TNFRSF8: variants seen among roughly 807,000 people sequenced by gnomAD.
TNFRSF8 encodes the protein TNF receptor superfamily member 8.
TNFRSF8 carries 26 observed loss-of-function variants against 70.8 expected under a neutral mutation model. The observed-to-expected ratio is 0.37, with a 90% confidence interval of 0.27 to 0.51. The LOEUF (loss-of-function observed/expected upper bound fraction) is 0.51, where lower values mean the gene tolerates loss of function less well. TNFRSF8 is among the 20% of genes least tolerant of loss of function. TNFRSF8 has a pLI of 0.94. For missense variants in TNFRSF8, 720 were observed against 807.9 expected (o/e 0.89, Z 1.32); for synonymous variants, 356 against 339.2 (o/e 1.05, Z -0.54).
rs536434144 is a variant in TNFRSF8 at position 12,108,530 on chromosome 1, A to G, written c.422-1036A>G. ...TGGTGAAGAGTGTATGATTATAGTC[A>G]TTTGACTGGGCTGGGCACGGCAGCT... On this transcript the variant is annotated intron_variant, in intron 4 of 14. Transcript: ENST00000263932. This position sits in a 1 kb window ranked among gnomAD's most constrained non-coding sequence, Gnocchi z 4.0. Among the ~76,000 whole-genome samples, 1 of 152,088 alleles carries G rather than the reference A, an allele frequency of 6.6e-6. No individual in the cohort carries two copies. Among genetic ancestry groups the G allele is most frequent in the South Asian group, 2.1e-4 (1 of 4,796 alleles).
At chr1:12,102,715 A>G (rs1641446284) in intron 3 of TNFRSF8, among the ~76,000 whole-genome samples, 3 of 151,992 alleles carry the variant, frequency 2.0e-5, no homozygotes, top group Admixed American at 6.5e-5. Context: ...TAGTAGAGAC[A>G]GGGTTTCACT....
rs1333181450 is a variant in TNFRSF8 at position 12,108,836 on chromosome 1, TA to T, written c.422-726del. On this transcript the variant is annotated intron_variant, in intron 4 of 14. Coordinates refer to ENST00000263932, the MANE Select transcript of TNFRSF8 (RefSeq NM_001243.5). The surrounding 1 kb of genome is among the most constrained non-coding windows in gnomAD (Gnocchi z 4.0). Reference sequence around the variant, plus strand: ...TCAAATAAATAAATAAACAAGTAAATAAAATGGACTTTCCTGGCACAGTTAG... The same window carrying T: ...TCAAATAAATAAATAAACAAGTAAATAAATGGACTTTCCTGGCACAGTTAG... Among the ~76,000 whole-genome samples the T allele has an allele frequency of 6.6e-6, 1 of 151,800 alleles. No individual in the cohort carries two copies. Among genetic ancestry groups the T allele is most frequent in the African/African-American group, 2.4e-5 (1 of 41,310 alleles).
At chr1:12,114,694 CTTTTTT>C (rs542462017) in intron 7 of TNFRSF8, among the ~76,000 whole-genome samples, 54 of 77,044 alleles carry the variant, frequency 7.0e-4, no homozygotes, top group Admixed American at 1.2e-3. Context: ...GAAAAAAAAT[CTTTTTT>C]TTTTTTTTTT....
rs146205889 is a variant in TNFRSF8, at chr1:12,106,040, G to A, written c.421+1509G>A. Among the ~76,000 whole-genome samples the A allele has an allele frequency of 5.4e-3, 824 of 152,058 alleles. 12 individuals are homozygous for A. The highest frequency in any genetic ancestry group is 0.019 in the African/African-American group (796 of 41,462). Reference sequence around the variant, plus strand: ...TGCCTTCTTCTCTTCATGTTTCAGAGCCTTCTTACATTTATTTTGTACATA... The same window carrying A: ...TGCCTTCTTCTCTTCATGTTTCAGAACCTTCTTACATTTATTTTGTACATA... On this transcript the variant is annotated intron_variant, in intron 4 of 14. Coordinates refer to ENST00000263932, the MANE Select transcript of TNFRSF8 (RefSeq NM_001243.5).
intron 1 of TNFRSF8, among the ~76,000 whole-genome samples, chr1:12,077,628 G>A (rs1569988645): frequency 6.6e-6 from 1 of 152,172 alleles, no homozygotes; most frequent in African/African-American, 2.4e-5. Context: ...GACCTGGATG[G>A]GGGTGATCAG....
At chr1:12,114,607 T>G (rs1458068930) in intron 7 of TNFRSF8, among the ~76,000 whole-genome samples, 1 of 151,766 alleles carries the variant, frequency 6.6e-6, no homozygotes, top group Non-Finnish European at 1.5e-5. Flanking sequence ...TTGCAAAATA[T>G]TCCCGAATAC....
chr1:12,063,640 G>T lies in TNFRSF8; in HGVS notation c.42G>T (p.Gly14=). The T allele has an allele frequency of 7.8e-7, 1 of 1,288,004 alleles. No homozygotes were observed. Among genetic ancestry groups the T allele is most frequent in the Non-Finnish European group, 9.9e-7 (1 of 1,008,360 alleles). The allele number at this position is 1,288,004 out of a possible 1,614,324, so 79.8% of individuals were successfully genotyped here. A position where few individuals can be genotyped will look rare whatever the true frequency, so the allele number is the denominator to read the frequency against. Reference sequence around the variant, plus strand: ...CCGCGCTGGGACTGCTGTTCCTGGGGGCGCTACGAGCCTTCCCACAGGTAA... The same window carrying T: ...CCGCGCTGGGACTGCTGTTCCTGGGTGCGCTACGAGCCTTCCCACAGGTAA... ...LLAALGLLFL[G]ALRAFPQDRP... Residue 14 remains glycine, a synonymous_variant, in exon 1 of 15, where the codon GGG becomes GGT. Coordinates refer to ENST00000263932, the MANE Select transcript of TNFRSF8 (RefSeq NM_001243.5). This position sits in a 1 kb window ranked among gnomAD's most constrained non-coding sequence, Gnocchi z 7.2.
At chr1:12,121,097 A>G (rs536085250) in intron 8 of TNFRSF8, among the ~76,000 whole-genome samples, 8 of 152,322 alleles carry the variant, frequency 5.3e-5, no homozygotes, top group African/African-American at 1.9e-4. Context: ...CAGTCCACTC[A>G]AAGTAAGTGT....
At chr1:12,117,596 A>C (rs1641756673) in intron 8 of TNFRSF8, among the ~76,000 whole-genome samples, 1 of 152,116 alleles carries the variant, frequency 6.6e-6, no homozygotes, top group Non-Finnish European at 1.5e-5. Context: ...CCAACTTCCT[A>C]CTCAGGGAAG....
intron 2 of TNFRSF8, among the ~76,000 whole-genome samples, chr1:12,086,440 C>T (rs34225843): frequency 0.01 from 1,547 of 151,938 alleles, 15 homozygotes; most frequent in Non-Finnish European, 0.016. Context: ...CTTCACTGGT[C>T]GGCCATCCAC....
intron 1 of TNFRSF8, among the ~76,000 whole-genome samples, chr1:12,076,615 T>A (rs1250156279): frequency 1.3e-5 from 2 of 152,028 alleles, no homozygotes; most frequent in Non-Finnish European, 2.9e-5. Flanking sequence ...CATGGGGCCC[T>A]GCACACTCTT....
Position 12,138,466 on chromosome 1 carries a change from G to A in TNFRSF8, c.1543+30G>A, listed in dbSNP as rs760017940. The A allele has an allele frequency of 6.3e-7, 1 of 1,590,520 alleles. No homozygotes were observed. Among genetic ancestry groups the A allele is most frequent in the African/African-American group, 1.3e-5 (1 of 74,576 alleles). On this transcript the variant is annotated intron_variant, in intron 14 of 14. Coordinates refer to ENST00000263932, the MANE Select transcript of TNFRSF8 (RefSeq NM_001243.5). This position sits in a 1 kb window ranked among gnomAD's most constrained non-coding sequence, Gnocchi z 5.7. Reference sequence around the variant, plus strand: ...GTCAGCCTGTTTTGGGAGGTCCCCTGCAGCCCAGGGGCAGATGGGAGATGA... The same window carrying A: ...GTCAGCCTGTTTTGGGAGGTCCCCTACAGCCCAGGGGCAGATGGGAGATGA...
chr1:12,121,442 T>G (rs74053002), intron 8 of TNFRSF8, among the ~76,000 whole-genome samples: 2,358 of 151,960 alleles, frequency 0.016, 51 homozygotes, highest in African/African-American at 0.055. Flanking sequence ...GGTGGAGAGG[T>G]GTAGTGACTG....
At chr1:12,124,575 G>A (rs1641896253) in intron 10 of TNFRSF8, among the ~76,000 whole-genome samples, 1 of 152,164 alleles carries the variant, frequency 6.6e-6, no homozygotes, top group Non-Finnish European at 1.5e-5. Context: ...TGTAATCCCA[G>A]CACTTTGGGA....
At chr1:12,137,161 T>C (rs1311236234) in intron 13 of TNFRSF8, among the ~76,000 whole-genome samples, 4 of 152,188 alleles carry the variant, frequency 2.6e-5, no homozygotes, top group Non-Finnish European at 4.4e-5. Context: ...TTTTTCTAGC[T>C]CAGCAGTGAT....
chr1:12,138,324 A>G lies in TNFRSF8; in HGVS notation c.1431A>G (p.Ala477=). 1 of 1,613,810 alleles carries G rather than the reference A, an allele frequency of 6.2e-7. No homozygotes were observed. Among genetic ancestry groups the G allele is most frequent in the South Asian group, 1.1e-5 (1 of 91,086 alleles). ...PLMETCHSVG[A]AYLESLPLQD... Reference sequence around the variant, plus strand: ...TGGAGACCTGCCACAGCGTGGGGGCAGCCTACCTGGAGAGCCTGCCGCTGC... The same window carrying G: ...TGGAGACCTGCCACAGCGTGGGGGCGGCCTACCTGGAGAGCCTGCCGCTGC... Residue 477 remains alanine, a synonymous_variant, in exon 14 of 15, where the codon GCA becomes GCG. Coordinates refer to ENST00000263932, the MANE Select transcript of TNFRSF8 (RefSeq NM_001243.5). The surrounding 1 kb of genome is among the most constrained non-coding windows in gnomAD (Gnocchi z 5.7).
At chr1:12,116,286 C>T (rs1160204464) in intron 8 of TNFRSF8, among the ~76,000 whole-genome samples, 1 of 152,082 alleles carries the variant, frequency 6.6e-6, no homozygotes. Context: ...CAGCCCCGGG[C>T]TGGTAAAATC....
Position 12,119,374 on chromosome 1 carries a change from A to G in TNFRSF8, c.946+3645A>G, listed in dbSNP as rs1641790091. The stretch of plus-strand genomic sequence containing the variant: ...AGTGGCAGCCTCAATTTCTCTGTGC[A>G]CCTGACCAGAAGCATAGACTTCAGG... On this transcript the variant is annotated intron_variant, in intron 8 of 14. Transcript: ENST00000263932. This position sits in a 1 kb window ranked among gnomAD's most constrained non-coding sequence, Gnocchi z 4.4. Among the ~76,000 whole-genome samples the G allele has an allele frequency of 6.6e-6, 1 of 152,108 alleles. No homozygotes were observed. The highest frequency in any genetic ancestry group is 2.4e-5 in the African/African-American group (1 of 41,404).
chr1:12,128,771 C>G (rs1020482244), intron 12 of TNFRSF8, among the ~76,000 whole-genome samples: 1 of 151,434 alleles, frequency 6.6e-6, no homozygotes. Context: ...AAAAATGTCT[C>G]TAGACATTGC....
Sources: gnomAD v4.1 joint callset for allele counts (sites outside exome capture counted in the v4.1 genomes callset) on GRCh38, gnomAD v4.1.1 for gene constraint, Gnocchi (gnomAD v3.1) non-coding constraint, MANE v1.5 for transcripts, NCBI Gene and HGNC (gene_info 2026-07-23, HGNC 2026-07-21) for gene names.